FGGY: variants seen among roughly 807,000 people sequenced by gnomAD.
FGGY encodes FGGY carbohydrate kinase domain-containing protein.
In FGGY, 72 loss-of-function variants were observed where a neutral mutation model predicts 71.3. That is an observed-to-expected ratio of 1.01 (90% CI 0.84 to 1.23). The LOEUF (loss-of-function observed/expected upper bound fraction) is 1.23, where lower values mean the gene tolerates loss of function less well. FGGY is among the 50% of genes most tolerant of loss of function. The pLI, the probability that FGGY is intolerant of heterozygous loss-of-function variation, is 0.00. For missense variants in FGGY, 668 were observed against 682.3 expected (o/e 0.98, Z 0.23); for synonymous variants, 251 against 250.3 (o/e 1.00, Z -0.02).
At position 59,520,107 on chromosome 1, in the gene FGGY, A is replaced by G. The variant is rs180823425; in HGVS notation, c.799+7668A>G. ...GCTTCAAATGTCAAATGTCAGTAGC[A>G]CTGAAGGTGAGAAACCCTATTCTCT... On this transcript the variant is annotated intron_variant, in intron 7 of 15. Transcript: ENST00000303721. Among the ~76,000 whole-genome samples, 23 of 152,350 alleles carry G rather than the reference A, an allele frequency of 1.5e-4. No individual in the cohort carries two copies. The East Asian group carries it at 3.7e-3, about 24-fold the overall frequency.
At chr1:59,518,093 G>A (rs1042126150) in intron 7 of FGGY, among the ~76,000 whole-genome samples, 1 of 152,138 alleles carries the variant, frequency 6.6e-6, no homozygotes, top group African/African-American at 2.4e-5. Flanking sequence ...TGCTCATCTG[G>A]GCCAGATATT....
chr1:59,665,177 T>G (rs937019848), intron 12 of FGGY, among the ~76,000 whole-genome samples: 2 of 152,196 alleles, frequency 1.3e-5, no homozygotes, highest in African/African-American at 4.8e-5. Context: ...ATGTGACTTT[T>G]TTTTTCTGGG....
rs540693603 is a variant in FGGY, at chr1:59,619,026, T to C, written c.1012-6962T>C. On this transcript the variant is annotated intron_variant, in intron 9 of 15. Transcript: ENST00000303721. ...CCTGGATTGCTACACAACTTCCTAA[T>C]TGGCTTCTTGCCTGTAATCTTTCCC... 1.1e-4 allele frequency among the ~76,000 whole-genome samples: 16 copies of C among 152,260 alleles called. No individual in the cohort carries two copies. The East Asian group carries it at 2.5e-3, about 24-fold the overall frequency.
At chr1:59,315,176 T>C (rs1420495974) in intron 1 of FGGY, among the ~76,000 whole-genome samples, 1 of 152,216 alleles carries the variant, frequency 6.6e-6, no homozygotes, top group Non-Finnish European at 1.5e-5. Context: ...AACTGACATT[T>C]TCATAATCTG....
intron 6 of FGGY, among the ~76,000 whole-genome samples, chr1:59,463,397 C>A (rs2092392149): frequency 1.3e-5 from 2 of 152,320 alleles, no homozygotes; most frequent in South Asian, 4.1e-4. Context: ...GTACCAGCCA[C>A]TGCAAAAACA....
Position 59,509,746 on chromosome 1 carries a change from G to A in FGGY, c.671-2565G>A, listed in dbSNP as rs113311234. ...GCATGCCCAGGACTCTCTCTGCCTC[G>A]CAGTGGTCTGCAGCCTCATGTTCTG... On this transcript the variant is annotated intron_variant, in intron 6 of 15. Transcript: ENST00000303721. 1.4e-4 allele frequency among the ~76,000 whole-genome samples: 22 copies of A among 152,274 alleles called. No homozygotes were observed. In the Middle Eastern group the frequency reaches 0.017, roughly 118 times the overall value.
intron 15 of FGGY, among the ~76,000 whole-genome samples, chr1:59,760,673 A>G (rs1216072465): frequency 1.3e-5 from 2 of 152,244 alleles, no homozygotes; most frequent in Admixed American, 1.3e-4. Flanking sequence ...TATTATTCTA[A>G]GTGAAATAAG....
chr1:59,413,949 A>G (rs1489633969), intron 5 of FGGY, among the ~76,000 whole-genome samples: 1 of 152,240 alleles, frequency 6.6e-6, no homozygotes, highest in Non-Finnish European at 1.5e-5. Context: ...CAATAGAGTG[A>G]GATTTCATCT....
chr1:59,641,268 C>T lies in FGGY; in HGVS notation c.1221+2893C>T, dbSNP rs1164724215. ...TAATAATAAAAAAAGAAAATTTTCT[C>T]GGATTTCTCAGAGAACCACTGGATA... On this transcript the variant is annotated intron_variant, in intron 11 of 15. Transcript: ENST00000303721. 13 of 1,605,592 alleles carry T rather than the reference C, an allele frequency of 8.1e-6. 1 individual carries two copies. In the African/African-American group the frequency reaches 1.5e-4, roughly 19 times the overall value.
chr1:59,424,370 A>G (rs1450212218), intron 5 of FGGY, among the ~76,000 whole-genome samples: 1 of 152,198 alleles, frequency 6.6e-6, no homozygotes, highest in African/African-American at 2.4e-5. Flanking sequence ...AACATGGTGA[A>G]ACCCCGTCTC....
At chr1:59,372,461 G>T (rs1433347380) in intron 4 of FGGY, among the ~76,000 whole-genome samples, 3 of 152,174 alleles carry the variant, frequency 2.0e-5, no homozygotes, top group African/African-American at 7.2e-5. Flanking sequence ...TGGATTCACA[G>T]CCGAATTCTA....
At chr1:59,456,020 A>T (rs1054102044) in intron 5 of FGGY, among the ~76,000 whole-genome samples, 1 of 152,230 alleles carries the variant, frequency 6.6e-6, no homozygotes, top group Non-Finnish European at 1.5e-5. Flanking sequence ...TTAGACTGGG[A>T]TGACCATACT....
intron 5 of FGGY, among the ~76,000 whole-genome samples, chr1:59,414,417 C>G (rs1236469525): frequency 6.6e-6 from 1 of 152,140 alleles, no homozygotes; most frequent in Non-Finnish European, 1.5e-5. Context: ...TAATCTTCAT[C>G]TTCACATAAG....
Position 59,691,936 on chromosome 1 carries a change from GTATCTC to G in FGGY, c.1512+17804_1512+17809del, listed in dbSNP as rs1451117625. On this transcript the variant is annotated intron_variant, in intron 14 of 15. Transcript: ENST00000303721. ...TAAGAATCTTGCTCAAGTGATTTTTGTATCTCCAATGGCTAACAAGGAGCCTGACAT... is the reference window on the plus strand; with the variant it reads ...TAAGAATCTTGCTCAAGTGATTTTTGCAATGGCTAACAAGGAGCCTGACAT... Among the ~76,000 whole-genome samples, 4 of 152,132 alleles carry G rather than the reference GTATCTC, an allele frequency of 2.6e-5. No individual in the cohort carries two copies. In the East Asian group the frequency reaches 7.7e-4, roughly 29 times the overall value.
At chr1:59,682,189 A>G (rs1332820408) in intron 14 of FGGY, among the ~76,000 whole-genome samples, 1 of 152,228 alleles carries the variant, frequency 6.6e-6, no homozygotes, top group Non-Finnish European at 1.5e-5. Flanking sequence ...GCCAATGGCT[A>G]GAAAGTGAGA....
In FGGY at chr1:59,665,863, T is replaced by C. The variant is rs557730249; in HGVS notation, c.1297-1420T>C. On this transcript the variant is annotated intron_variant, in intron 12 of 15. Coordinates refer to ENST00000303721, the MANE Select transcript of FGGY (RefSeq NM_018291.5). ...TATTTTTTTGTATTTTTAGTAGAGA[T>C]GGGGTTTCACCATATTAGCCAGGAT... Among the ~76,000 whole-genome samples the C allele has an allele frequency of 1.3e-4, 20 of 152,206 alleles. No homozygotes were observed. The South Asian group carries it at 1.7e-3, about 13-fold the overall frequency.
chr1:59,373,653 A>G (rs2058114669), intron 4 of FGGY, among the ~76,000 whole-genome samples: 2 of 152,182 alleles, frequency 1.3e-5, no homozygotes, highest in South Asian at 2.1e-4. Flanking sequence ...CTGACTTCAA[A>G]CTATACTACA....
At chr1:59,339,086 C>A (rs1216392013) in intron 2 of FGGY, among the ~76,000 whole-genome samples, 1 of 152,110 alleles carries the variant, frequency 6.6e-6, no homozygotes, top group Non-Finnish European at 1.5e-5. Flanking sequence ...GTTTCATGCA[C>A]AAAATCATTA....
chr1:59,725,124 TA>T (rs2097931342), intron 14 of FGGY, among the ~76,000 whole-genome samples: 1 of 152,246 alleles, frequency 6.6e-6, no homozygotes, highest in South Asian at 2.1e-4. Context: ...CACTTTGAGT[TA>T]ATTTTTGCAG....
Sources: gnomAD v4.1 joint callset for allele counts (sites outside exome capture counted in the v4.1 genomes callset) on GRCh38, gnomAD v4.1.1 for gene constraint, MANE v1.5 for transcripts, NCBI Gene and HGNC (gene_info 2026-07-23, HGNC 2026-07-21) for gene names.